The following FSTL5 variants were observed in gnomAD, a reference collection of about 807,000 sequenced individuals.
The protein encoded by FSTL5 is follistatin-related protein 5.
A neutral mutation model predicts 89.1 loss-of-function variants in FSTL5; 62 were observed. The ratio of observed to expected loss-of-function variants is 0.70; its 90% CI spans 0.57 to 0.86. FSTL5 has a LOEUF of 0.86. Among genes scored for constraint, FSTL5 ranks in the 40% least tolerant of loss-of-function variants. FSTL5 has a pLI of 0.00. For missense variants in FSTL5, 1,057 were observed against 1,001.6 expected (o/e 1.06, Z -0.75); for synonymous variants, 383 against 346.2 (o/e 1.11, Z -1.18).
At chr4:161,994,626 A>G (rs550141482) in intron 3 of FSTL5, among the ~76,000 whole-genome samples, 1 of 152,276 alleles carries the variant, frequency 6.6e-6, no homozygotes, top group African/African-American at 2.4e-5. Flanking sequence ...TTTCTCTAAT[A>G]ATCAGTGATA....
chr4:161,694,517 A>T, intron 6 of FSTL5, among the ~76,000 whole-genome samples: 1 of 151,998 alleles, frequency 6.6e-6, no homozygotes, highest in South Asian at 2.1e-4. Context: ...CCTGCTTTTC[A>T]TTATTTATAT....
intron 6 of FSTL5, among the ~76,000 whole-genome samples, chr4:161,734,220 T>TA (rs1013766134): frequency 1.4e-4 from 21 of 152,014 alleles, no homozygotes; most frequent in Non-Finnish European, 2.6e-4. Context: ...GGATTTTAAA[T>TA]AAAAAAATAA....
chr4:161,918,793 G>A (rs1733909747), intron 4 of FSTL5, among the ~76,000 whole-genome samples: 1 of 151,786 alleles, frequency 6.6e-6, no homozygotes, highest in East Asian at 1.9e-4. Context: ...AGAGGCACCC[G>A]CCATCATGCC....
intron 15 of FSTL5, chr4:161,387,307 T>G (rs532804382): frequency 6.3e-4 from 96 of 152,184 alleles, no homozygotes; most frequent in African/African-American, 2.3e-3. Context: ...CTTTTATTTA[T>G]GTTTGCATTA....
chr4:161,805,081 C>T (rs1045511976), intron 4 of FSTL5, among the ~76,000 whole-genome samples: 3 of 152,098 alleles, frequency 2.0e-5, no homozygotes, highest in African/African-American at 7.2e-5. Context: ...CATCCCATTT[C>T]AGCAGCTCAC....
At chr4:161,506,326 G>GCC (rs35436108) in intron 11 of FSTL5, among the ~76,000 whole-genome samples, 10 of 151,664 alleles carry the variant, frequency 6.6e-5, no homozygotes, top group African/African-American at 2.4e-4. Context: ...TCCCTCTTCG[G>GCC]CCCCCCAAAT....
chr4:161,932,562 T>C (rs1486364352), intron 3 of FSTL5, among the ~76,000 whole-genome samples: 1 of 151,742 alleles, frequency 6.6e-6, no homozygotes, highest in Non-Finnish European at 1.5e-5. Context: ...TATGTTTGTA[T>C]TTTAAAATCT....
intron 12 of FSTL5, among the ~76,000 whole-genome samples, chr4:161,496,588 C>G (rs555611535): frequency 3.9e-5 from 6 of 152,108 alleles, no homozygotes; most frequent in Non-Finnish European, 8.8e-5. Flanking sequence ...TTCAAGACTA[C>G]GACTTCAACT....
chr4:162,097,291 C>T (rs1730803114), intron 2 of FSTL5, among the ~76,000 whole-genome samples: 1 of 151,164 alleles, frequency 6.6e-6, no homozygotes, highest in African/African-American at 2.4e-5. Flanking sequence ...CAATGAAATG[C>T]TAGCGAAATA....
At chr4:162,015,133 G>T (rs943130394) in intron 3 of FSTL5, among the ~76,000 whole-genome samples, 19 of 152,162 alleles carry the variant, frequency 1.2e-4, no homozygotes, top group African/African-American at 4.6e-4. Flanking sequence ...AGAACTTACA[G>T]ATATGAACAA....
rs568759150 is a variant in FSTL5, at chr4:161,550,837, G to A, written c.1016-8144C>T. The stretch of plus-strand genomic sequence containing the variant: ...CTATGAGTGAGAATATGCGGTGTTT[G>A]GTTTTTTGTTCTTGCGATAGTTTGC... On this transcript the variant is annotated intron_variant, in intron 8 of 15. Coordinates refer to ENST00000306100, the MANE Select transcript of FSTL5 (RefSeq NM_020116.5). Among the ~76,000 whole-genome samples, 67 of 151,842 alleles carry A rather than the reference G, an allele frequency of 4.4e-4. 1 individual carries two copies. The East Asian group carries it at 0.013, about 29-fold the overall frequency.
chr4:162,134,221 T>C (rs1018163257), intron 1 of FSTL5, among the ~76,000 whole-genome samples: 1 of 152,232 alleles, frequency 6.6e-6, no homozygotes, highest in African/African-American at 2.4e-5. Context: ...AGAATCATCC[T>C]GGATATTTTA....
chr4:161,540,791 T>C (rs1731792068), intron 9 of FSTL5, among the ~76,000 whole-genome samples: 1 of 152,222 alleles, frequency 6.6e-6, no homozygotes, highest in South Asian at 2.1e-4. Context: ...TTGTTACTGA[T>C]ACTGTTTTTC....
intron 11 of FSTL5, among the ~76,000 whole-genome samples, chr4:161,508,562 T>C (rs749980886): frequency 6.6e-6 from 1 of 152,154 alleles, no homozygotes; most frequent in Non-Finnish European, 1.5e-5. Flanking sequence ...ACTAACAGAA[T>C]ACATTTTTAA....
intron 15 of FSTL5, among the ~76,000 whole-genome samples, chr4:161,450,640 G>T (rs377335843): frequency 6.6e-6 from 1 of 151,558 alleles, no homozygotes; most frequent in Admixed American, 6.6e-5. Flanking sequence ...ATAATGAAGC[G>T]TTGCTTTATA....
At chr4:161,846,249 C>T (rs1252343065) in intron 4 of FSTL5, among the ~76,000 whole-genome samples, 2 of 151,954 alleles carry the variant, frequency 1.3e-5, no homozygotes, top group East Asian at 1.9e-4. Flanking sequence ...TATTTATATA[C>T]ATATTTGTAT....
intron 3 of FSTL5, among the ~76,000 whole-genome samples, chr4:162,011,822 A>G (rs1380948416): frequency 6.6e-6 from 1 of 151,926 alleles, no homozygotes; most frequent in Non-Finnish European, 1.5e-5. Flanking sequence ...TAACCCTTAC[A>G]CTTAGTTTCA....
intron 15 of FSTL5, among the ~76,000 whole-genome samples, chr4:161,396,218 C>T (rs1218987789): frequency 6.6e-5 from 10 of 151,794 alleles, no homozygotes; most frequent in South Asian, 6.2e-4. Context: ...GTTACATGAA[C>T]GCACACATGA....
intron 10 of FSTL5, among the ~76,000 whole-genome samples, chr4:161,517,731 A>T (rs1042179890): frequency 3.3e-5 from 5 of 151,362 alleles, no homozygotes; most frequent in African/African-American, 7.3e-5. Context: ...ATATTAAATA[A>T]TTTTTTTTTG....
Sources: allele counts gnomAD v4.1 joint callset (sites outside exome capture counted in the v4.1 genomes callset), GRCh38; gene constraint gnomAD v4.1.1; transcripts MANE v1.5; gene names NCBI Gene and HGNC (gene_info 2026-07-23, HGNC 2026-07-21).